ADAP1: variants seen among roughly 807,000 people sequenced by gnomAD.
ADAP1 encodes arf-GAP with dual PH domain-containing protein 1.
In ADAP1, 31 loss-of-function variants were observed where a neutral mutation model predicts 54.9. The ratio of observed to expected loss-of-function variants is 0.56; its 90% CI spans 0.42 to 0.76. The LOEUF (loss-of-function observed/expected upper bound fraction) is 0.76, where lower values mean the gene tolerates loss of function less well. Ranked by LOEUF, ADAP1 falls within the 30% of genes least tolerant of loss-of-function variation. ADAP1 has a pLI of 0.00. For synonymous variants in ADAP1, 313 were observed against 202.6 expected (o/e 1.55, Z -4.63); for missense variants, 535 against 512.4 (o/e 1.04, Z -0.42).
Position 945,782 on chromosome 7 carries a change from G to A in ADAP1, c.82+8614C>T. The A allele has an allele frequency of 1.0e-6, 1 of 985,632 alleles. No homozygotes were observed. Among genetic ancestry groups the A allele is most frequent in the Non-Finnish European group, 1.2e-6 (1 of 830,028 alleles). 61.1% of individuals were successfully genotyped at this position (985,632 alleles called of 1,614,324 possible). On this transcript the variant is annotated intron_variant, in intron 1 of 10. Coordinates refer to ENST00000265846, the MANE Select transcript of ADAP1 (RefSeq NM_006869.4). The surrounding 1 kb of genome is among the most constrained non-coding windows in gnomAD (Gnocchi z 4.2). ...CCTACCTGCTCCCAGGACGCCCGAG[G>A]TGACTCAGCCGCTCACCATTTCCGG...
rs1279353387 is a variant in ADAP1, at chr7:899,106, C to T, written c.1023G>A (p.Glu341=). 3 of 1,608,506 alleles carry T rather than the reference C, an allele frequency of 1.9e-6. No homozygotes were observed. The highest frequency in any genetic ancestry group is 1.7e-6 in the Non-Finnish European group (2 of 1,179,946). The change falls in exon 10 of 11, where the codon GAG becomes GAA. Residue 341 remains glutamate (E), a synonymous_variant. Coordinates refer to ENST00000265846, the MANE Select transcript of ADAP1 (RefSeq NM_006869.4). ...DRKFLFACET[E]SDQREWVAAF... is the part of the protein sequence containing the mutation. ...CCGCCACCCACTCCCTCTGGTCGGACTCCGTCTCGCAGGCAAACAGAAACT... is the reference window on the plus strand; with the variant it reads ...CCGCCACCCACTCCCTCTGGTCGGATTCCGTCTCGCAGGCAAACAGAAACT...
intron 3 of ADAP1, among the ~76,000 whole-genome samples, chr7:921,754 T>C (rs981142307): frequency 5.3e-5 from 8 of 152,222 alleles, no homozygotes; most frequent in Non-Finnish European, 8.8e-5. Flanking sequence ...CAGCGTCCCA[T>C]GACCCCAGGG....
chr7:950,578 C>A (rs1320287904), intron 1 of ADAP1, among the ~76,000 whole-genome samples: 1 of 151,760 alleles, frequency 6.6e-6, no homozygotes, highest in Non-Finnish European at 1.5e-5. Context: ...AAGTTGAGGC[C>A]AGGCACGGTG....
At chr7:916,043 G>A (rs1562922894) in intron 4 of ADAP1, among the ~76,000 whole-genome samples, 1 of 152,222 alleles carries the variant, frequency 6.6e-6, no homozygotes, top group Non-Finnish European at 1.5e-5. Context: ...CCCCAGAAGG[G>A]CCACTCCAGG....
At chr7:906,784 C>CAT (rs1562915670) in intron 4 of ADAP1, among the ~76,000 whole-genome samples, 4 of 52,294 alleles carry the variant, frequency 7.6e-5, no homozygotes, top group African/African-American at 2.7e-4. Flanking sequence ...ACAGGGGACA[C>CAT]GGGGGACGGG....
intron 2 of ADAP1, among the ~76,000 whole-genome samples, chr7:931,600 C>G (rs1281298340): frequency 3.3e-5 from 5 of 152,132 alleles, no homozygotes; most frequent in Non-Finnish European, 1.5e-5. Context: ...CACGGACTTC[C>G]TTTCTGGGGT....
chr7:904,733 G>A lies in ADAP1; in HGVS notation c.501+327C>T, dbSNP rs10243129. Among the ~76,000 whole-genome samples the A allele has an allele frequency of 8.5e-3, 1,298 of 152,364 alleles. 13 individuals are homozygous for A. Among genetic ancestry groups the A allele is most frequent in the Middle Eastern group, 0.031 (9 of 294 alleles). On this transcript the variant is annotated intron_variant, in intron 5 of 10. Coordinates refer to ENST00000265846, the MANE Select transcript of ADAP1 (RefSeq NM_006869.4). ...GTCCAGTCTCCCCAGGGTACCTCCAGGAAAACTAGGGGCTTTCTGGGGTCC... is the reference window on the plus strand; with the variant it reads ...GTCCAGTCTCCCCAGGGTACCTCCAAGAAAACTAGGGGCTTTCTGGGGTCC...
chr7:952,616 G>A (rs1847298296), intron 1 of ADAP1, among the ~76,000 whole-genome samples: 1 of 152,036 alleles, frequency 6.6e-6, no homozygotes, highest in South Asian at 2.1e-4. Context: ...TGGGGAGCGG[G>A]GACAAGCAGA....
chr7:914,784 C>T (rs1375684110), intron 4 of ADAP1, among the ~76,000 whole-genome samples: 1 of 152,214 alleles, frequency 6.6e-6, no homozygotes, highest in Non-Finnish European at 1.5e-5. Context: ...CACCCAGAGA[C>T]AGCAGCCTGG....
At position 899,867 on chromosome 7, in the gene ADAP1, G is replaced by T. The variant is rs190177776; in HGVS notation, c.795+235C>A. On this transcript the variant is annotated intron_variant, in intron 8 of 10. Coordinates refer to ENST00000265846, the MANE Select transcript of ADAP1 (RefSeq NM_006869.4). ...GGGCCCCTGGCCGCGCAGGTGCACG[G>T]TCCCGTGGGTGAGGAAGCTGGTCAG... 1.4e-3 allele frequency among the ~76,000 whole-genome samples: 218 copies of T among 152,312 alleles called. 1 individual carries two copies. The highest frequency in any genetic ancestry group is 6.5e-4 in the Non-Finnish European group (44 of 68,006).
chr7:919,339 A>C (rs992442908), intron 4 of ADAP1, among the ~76,000 whole-genome samples: 1 of 152,288 alleles, frequency 6.6e-6, no homozygotes, highest in Admixed American at 6.5e-5. Context: ...CCACCAGCAG[A>C]GGAGGGGCCA....
chr7:917,407 G>A (rs1356942934), intron 4 of ADAP1, among the ~76,000 whole-genome samples: 1 of 152,084 alleles, frequency 6.6e-6, no homozygotes, highest in Non-Finnish European at 1.5e-5. Flanking sequence ...GGGGTCAGGG[G>A]CTTCTCCACT....
chr7:932,704 G>A (rs1846623047), intron 2 of ADAP1, among the ~76,000 whole-genome samples: 1 of 152,120 alleles, frequency 6.6e-6, no homozygotes, highest in African/African-American at 2.4e-5. Context: ...GGTCAGTGAA[G>A]GTGGGTCGAA....
In ADAP1 at chr7:946,109, G is replaced by A. The variant is rs575148101; in HGVS notation, c.82+8287C>T. 7.2e-5 allele frequency among the ~76,000 whole-genome samples: 11 copies of A among 152,210 alleles called. No individual in the cohort carries two copies. The highest frequency in any genetic ancestry group is 3.3e-4 in the Admixed American group (5 of 15,290). On this transcript the variant is annotated intron_variant, in intron 1 of 10. Transcript: ENST00000265846. The surrounding 1 kb of genome is among the most constrained non-coding windows in gnomAD (Gnocchi z 4.3). ...GGTGCCCACCACCCTTCACAGCTAC[G>A]TGAGGCGGGGCATGCATGGCTGTCC...
At chr7:955,262 C>T, upstream of ADAP1, 1 of 1,543,958 alleles carries the variant, frequency 6.5e-7, no homozygotes, top group South Asian at 1.2e-5. Context: ...TGGGGGCTGA[C>T]AGGTAACAAA....
At chr7:906,055 A>G (rs867955450) in intron 4 of ADAP1, among the ~76,000 whole-genome samples, 2 of 21,238 alleles carry the variant, frequency 9.4e-5, no homozygotes, top group African/African-American at 5.4e-4. Flanking sequence ...GAAAGGAGAA[A>G]GGAGAAAGGG....
intron 1 of ADAP1, among the ~76,000 whole-genome samples, chr7:939,286 C>T (rs1234224308): frequency 6.6e-6 from 1 of 152,084 alleles, no homozygotes; most frequent in East Asian, 1.9e-4. Flanking sequence ...ATGGTGTGAT[C>T]TCAGCTCACT....
chr7:901,225 C>T, intron 6 of ADAP1: 1 of 358,358 alleles, frequency 2.8e-6, no homozygotes, highest in South Asian at 2.1e-5. Flanking sequence ...ACGTCGGGTG[C>T]CCTCTGGGTC....
At position 946,363 on chromosome 7, in the gene ADAP1, C is replaced by T. The variant is rs1847139477; in HGVS notation, c.82+8033G>A. Among the ~76,000 whole-genome samples the T allele has an allele frequency of 6.6e-6, 1 of 152,130 alleles. No homozygotes were observed. The highest frequency in any genetic ancestry group is 2.4e-5 in the African/African-American group (1 of 41,432). ...CCCCAGGCCCCCACCCCCTCACGCT[C>T]ACGGGCGGCCCTGGTCCCATTCCAT... On this transcript the variant is annotated intron_variant, in intron 1 of 10. Transcript: ENST00000265846. The surrounding 1 kb of genome is among the most constrained non-coding windows in gnomAD (Gnocchi z 4.3).
Sources: allele counts gnomAD v4.1 joint callset (sites outside exome capture counted in the v4.1 genomes callset), GRCh38; gene constraint gnomAD v4.1.1; non-coding constraint Gnocchi (gnomAD v3.1); transcripts MANE v1.5; gene names NCBI Gene and HGNC (gene_info 2026-07-23, HGNC 2026-07-21).